Variants in NRXN1 observed in about 807,000 individuals in gnomAD.
NRXN1 encodes the protein neurexin-1.
Under a neutral mutation model 150.9 loss-of-function variants are expected in NRXN1, and 39 were observed. The observed-to-expected ratio is 0.26, with a 90% CI of 0.20 to 0.34. The LOEUF is 0.34. Ranked by LOEUF, NRXN1 falls within the 10% of genes least tolerant of loss-of-function variation. The pLI is 1.00. For missense variants in NRXN1, 1,815 were observed against 1,949.9 expected, an observed-to-expected ratio of 0.93 and a Z score of 1.30; for synonymous variants, 924 against 757.0, an observed-to-expected ratio of 1.22 and a Z score of -3.62.
At chr2:50,748,667 A>C (rs1281862202) in intron 5 of NRXN1, among the ~76,000 whole-genome samples, 1 of 152,080 alleles carries the variant, frequency 6.6e-6, no homozygotes, top group African/African-American at 2.4e-5. Context: ...GGTAATTGAT[A>C]GCTTTTCACC....
At chr2:50,185,877 C>A (rs2061037210) in intron 18 of NRXN1, among the ~76,000 whole-genome samples, 1 of 152,018 alleles carries the variant, frequency 6.6e-6, no homozygotes, top group Admixed American at 6.6e-5. Context: ...CTTCAAATTA[C>A]CTTGGTTTAA....
chr2:50,977,401 G>C (rs1430022122), intron 2 of NRXN1, among the ~76,000 whole-genome samples: 1 of 151,846 alleles, frequency 6.6e-6, no homozygotes, highest in Non-Finnish European at 1.5e-5. Context: ...ATGACTGGCA[G>C]AATTTCTGCA....
At chr2:49,951,217 A>T (rs1435013960) in intron 21 of NRXN1, among the ~76,000 whole-genome samples, 2 of 152,016 alleles carry the variant, frequency 1.3e-5, no homozygotes, top group Non-Finnish European at 2.9e-5. Context: ...GGGGAAAAGA[A>T]TAAAACTGAA....
chr2:50,980,397 A>G (rs1200945476), intron 2 of NRXN1, among the ~76,000 whole-genome samples: 14 of 152,154 alleles, frequency 9.2e-5, no homozygotes, highest in Non-Finnish European at 2.1e-4. Context: ...CAGTTTGCTA[A>G]AAGAAAAGCC....
chr2:50,969,030 C>T (rs779932463), intron 2 of NRXN1, among the ~76,000 whole-genome samples: 4 of 152,060 alleles, frequency 2.6e-5, no homozygotes, highest in Non-Finnish European at 5.9e-5. Flanking sequence ...CCCAGTAACA[C>T]TCCAAGCCTC....
At chr2:50,605,873 G>C (rs1019067914) in intron 8 of NRXN1, among the ~76,000 whole-genome samples, 3 of 152,074 alleles carry the variant, frequency 2.0e-5, no homozygotes, top group African/African-American at 7.2e-5. Flanking sequence ...CTTCACAATA[G>C]CCAGGATGAG....
At position 49,924,432 on chromosome 2, in the gene NRXN1, T is replaced by A. The variant is rs147924840; in HGVS notation, c.4217-2181A>T. 6.9e-3 allele frequency among the ~76,000 whole-genome samples: 1,048 copies of A among 152,270 alleles called. 15 individuals are homozygous for A. The highest frequency in any genetic ancestry group is 0.01 in the Middle Eastern group (3 of 294). ...TGTATTTTTTTCAATAAGGAATTGA[T>A]ATCGTAAATGGACTATCTTATCAAA... On this transcript the variant is annotated intron_variant, in intron 22 of 22. Transcript: ENST00000401669.
At chr2:50,544,901 A>G (rs1187350791) in intron 9 of NRXN1, among the ~76,000 whole-genome samples, 1 of 152,174 alleles carries the variant, frequency 6.6e-6, no homozygotes, top group Non-Finnish European at 1.5e-5. Context: ...AAACTAAGGT[A>G]TGTATGGTGT....
At chr2:50,516,480 T>G (rs17536202) in intron 12 of NRXN1, among the ~76,000 whole-genome samples, 42,034 of 152,094 alleles carry the variant, frequency 0.28, 6,852 homozygotes, top group South Asian at 0.39. Flanking sequence ...GAAGCATAGT[T>G]GAGTCACCTT....
At chr2:50,703,087 C>T (rs1693978843) in intron 5 of NRXN1, among the ~76,000 whole-genome samples, 1 of 152,094 alleles carries the variant, frequency 6.6e-6, no homozygotes, top group Non-Finnish European at 1.5e-5. Flanking sequence ...CACTCTATTA[C>T]TGTTAGTATT....
At chr2:49,958,111 C>T (rs985491294) in intron 21 of NRXN1, among the ~76,000 whole-genome samples, 1 of 152,100 alleles carries the variant, frequency 6.6e-6, no homozygotes, top group Non-Finnish European at 1.5e-5. Context: ...AACCAAAGAA[C>T]ACAAGTGCAG....
At chr2:50,389,441 T>C (rs1042739777) in intron 17 of NRXN1, among the ~76,000 whole-genome samples, 2 of 151,816 alleles carry the variant, frequency 1.3e-5, no homozygotes, top group Non-Finnish European at 2.9e-5. Flanking sequence ...CTTAGATTTA[T>C]TGGTTAATAA....
intron 18 of NRXN1, among the ~76,000 whole-genome samples, chr2:50,099,654 G>C (rs561798468): frequency 1.3e-5 from 2 of 152,218 alleles, no homozygotes; most frequent in African/African-American, 2.4e-5. Context: ...ACCGTAGTTT[G>C]ATGGAAGTTA....
At chr2:50,009,624 G>T (rs1685320747) in intron 21 of NRXN1, among the ~76,000 whole-genome samples, 1 of 152,012 alleles carries the variant, frequency 6.6e-6, no homozygotes. Context: ...ATTTACTAAG[G>T]TTTGTCATTA....
intron 21 of NRXN1, among the ~76,000 whole-genome samples, chr2:49,996,798 A>G (rs762731182): frequency 5.9e-5 from 9 of 152,154 alleles, no homozygotes; most frequent in African/African-American, 1.2e-4. Flanking sequence ...AACCCCTAGA[A>G]CTGTAAGCAA....
At chr2:50,016,149 A>C (rs1316717216) in intron 21 of NRXN1, among the ~76,000 whole-genome samples, 1 of 152,100 alleles carries the variant, frequency 6.6e-6, no homozygotes, top group Non-Finnish European at 1.5e-5. Context: ...AATTTAAAGG[A>C]CCAATGCAAC....
intron 2 of NRXN1, among the ~76,000 whole-genome samples, chr2:50,970,223 G>A (rs1053129342): frequency 6.6e-5 from 10 of 152,160 alleles, no homozygotes; most frequent in Non-Finnish European, 1.5e-4. Context: ...TCTGTGACCT[G>A]CCTTGGGGAA....
intron 21 of NRXN1, among the ~76,000 whole-genome samples, chr2:50,032,802 G>A (rs1689380933): frequency 6.6e-6 from 1 of 151,858 alleles, no homozygotes; most frequent in Admixed American, 6.6e-5. Flanking sequence ...CTGCAAGCCG[G>A]TAAGAGAGCT....
rs1668274711 is a variant in NRXN1, at chr2:49,921,930, T to G, written c.*14A>C. 3 of 1,612,776 alleles carry G rather than the reference T, an allele frequency of 1.9e-6. No individual in the cohort carries two copies. The African/African-American group carries it at 4.0e-5, about 22-fold the overall frequency. ...AGACTATTTCTATACAAGTGTCCAT[T>G]TAAGATCTTGGGATCAGACATAATA... On this transcript the variant is annotated 3_prime_UTR_variant, in exon 23 of 23. Transcript: ENST00000401669.
Sources: gnomAD v4.1 joint callset for allele counts (sites outside exome capture counted in the v4.1 genomes callset) on GRCh38, gnomAD v4.1.1 for gene constraint, MANE v1.5 for transcripts, NCBI Gene and HGNC (gene_info 2026-07-23, HGNC 2026-07-21) for gene names.